HSD3B1: variants seen among roughly 807,000 people sequenced by gnomAD.
HSD3B1 encodes 3 beta-hydroxysteroid dehydrogenase/Delta 5-->4-isomerase type 1.
A neutral mutation model predicts 10.4 loss-of-function variants in HSD3B1; 11 were observed. The ratio of observed to expected loss-of-function variants is 1.05; its 90% CI spans 0.66 to 1.75. HSD3B1 has a LOEUF of 1.75. Ranked by LOEUF, HSD3B1 falls within the 40% of genes most tolerant of loss-of-function variation. The pLI is 0.00. For synonymous variants in HSD3B1, 217 were observed against 185.4 expected, an observed-to-expected ratio of 1.17 and a Z score of -1.39; for missense variants, 490 against 454.5, an observed-to-expected ratio of 1.08 and a Z score of -0.71.
chr1:119,508,522 C>G (rs1027729171), intron 2 of HSD3B1, among the ~76,000 whole-genome samples: 3 of 152,188 alleles, frequency 2.0e-5, no homozygotes, highest in African/African-American at 7.2e-5. Flanking sequence ...CATCAAGGTC[C>G]GGAATCACAA....
chr1:119,507,604 T>C lies in HSD3B1; in HGVS notation c.128T>C (p.Leu43Ser). The change falls in exon 2 of 4, where the codon TTG (leucine) becomes TCG (serine). Residue 43 changes from leucine to serine, a missense_variant. Coordinates refer to ENST00000369413, the MANE Select transcript of HSD3B1 (RefSeq NM_000862.3). ...TTGGACAAGGCCTTCGGACCAGAAT[T>C]GAGAGAGGAATTTTCTAGTAAGTAA... ...RVLDKAFGPELREEFSKLQNK... is the reference protein window; with the variant it reads ...RVLDKAFGPESREEFSKLQNK... The C allele has an allele frequency of 6.2e-7, 1 of 1,613,876 alleles. No individual in the cohort carries two copies. The highest frequency in any genetic ancestry group is 1.1e-5 in the South Asian group (1 of 91,058).
At chr1:119,509,552 G>A (rs923245371) in intron 2 of HSD3B1, among the ~76,000 whole-genome samples, 5 of 152,174 alleles carry the variant, frequency 3.3e-5, no homozygotes, top group Non-Finnish European at 7.4e-5. Flanking sequence ...AGAAGCAGAG[G>A]AAGGCAGCAG....
chr1:119,513,371 T>C (rs146877461), intron 3 of HSD3B1, among the ~76,000 whole-genome samples: 115 of 152,210 alleles, frequency 7.6e-4, no homozygotes, highest in African/African-American at 2.6e-3. Flanking sequence ...CAATGGTGTA[T>C]GTGTGTGTGT....
intron 3 of HSD3B1, among the ~76,000 whole-genome samples, chr1:119,512,135 C>G (rs587752117): frequency 6.6e-6 from 1 of 152,192 alleles, no homozygotes; most frequent in South Asian, 2.1e-4. Flanking sequence ...CAGAGCCCTC[C>G]TGCCCACCTC....
Position 119,514,079 on chromosome 1 carries a change from C to T in HSD3B1, c.556C>T (p.Arg186Ter), listed in dbSNP as rs765577774. 13 of 1,613,944 alleles carry T rather than the reference C, an allele frequency of 8.1e-6. No individual in the cohort carries two copies. The highest frequency in any genetic ancestry group is 5.3e-5 in the African/African-American group (4 of 74,912). The change falls in exon 4 of 4, where the codon CGA becomes TGA. Residue 186 changes from arginine (R) to a stop codon, truncating the protein, a stop_gained. Transcript: ENST00000369413. LOFTEE classifies it low-confidence loss of function (END_TRUNC). ...CGGCACCCTGTACACTTGTGCCTTA[C>T]GACCCATGTATATCTATGGGGAAGG... ...NGGTLYTCAL[R>*]PMYIYGEGSR...
Position 119,507,423 on chromosome 1 carries a change from G to T in HSD3B1, c.-54G>T, listed in dbSNP as rs752159361. 2 of 1,598,562 alleles carry T rather than the reference G, an allele frequency of 1.3e-6. No homozygotes were observed. Among genetic ancestry groups the T allele is most frequent in the African/African-American group, 1.3e-5 (1 of 74,554 alleles). ...CCAGGGTCACCCTAGAATCAGATCT[G>T]CTCCCCAGCATCTTCTGTTTCCTGG... is the stretch of plus-strand genomic sequence containing the variant. On this transcript the variant is annotated 5_prime_UTR_variant, in exon 2 of 4. Transcript: ENST00000369413.
chr1:119,508,624 C>T (rs1260815963), intron 2 of HSD3B1, among the ~76,000 whole-genome samples: 1 of 152,206 alleles, frequency 6.6e-6, no homozygotes, highest in Non-Finnish European at 1.5e-5. Flanking sequence ...AGAGCTGATG[C>T]TTGGCAAAGT....
At chr1:119,511,480 T>C (rs1242669267) in intron 2 of HSD3B1, 23 bp from the exon 3 acceptor site, 1 of 1,613,042 alleles carries the variant, frequency 6.2e-7, no homozygotes, top group Non-Finnish European at 8.5e-7. Context: ...ATCATTCCAA[T>C]GACCTGACCT....
At chr1:119,510,717 CT>C (rs962978657) in intron 2 of HSD3B1, among the ~76,000 whole-genome samples, 4 of 54,170 alleles carry the variant, frequency 7.4e-5, no homozygotes, top group African/African-American at 2.8e-4. Context: ...GTGTGGTTTT[CT>C]TTTTTTTTTT....
chr1:119,507,871 G>A, intron 2 of HSD3B1: 2 of 410,894 alleles, frequency 4.9e-6, no homozygotes, highest in Admixed American at 3.7e-5. Flanking sequence ...TCAGCCTCCA[G>A]GCCTCTTTTC....
chr1:119,514,358 C>T lies in HSD3B1; in HGVS notation c.835C>T (p.Arg279Cys), dbSNP rs765077190. 3.2e-5 allele frequency: 51 copies of T among 1,614,010 alleles called. No individual in the cohort carries two copies. Among genetic ancestry groups the T allele is most frequent in the African/African-American group, 6.7e-5 (5 of 74,920 alleles). ...NYTLSKEFGL[R>C]LDSRWSFPLS... ...CACCCTGAGCAAAGAGTTCGGCCTC[C>T]GCCTTGATTCCAGATGGAGCTTTCC... The change falls in exon 4 of 4, where the codon CGC (arginine) becomes TGC (cysteine). Residue 279 changes from arginine to cysteine, a missense_variant. Physicochemically the swap from Arg to Cys is radical, Grantham distance 180 (BLOSUM62 -3). Transcript: ENST00000369413.
rs587600961 is a variant in HSD3B1, at chr1:119,509,669, G to T, written c.146-1834G>T. Among the ~76,000 whole-genome samples, 3 of 152,238 alleles carry T rather than the reference G, an allele frequency of 2.0e-5. No homozygotes were observed. The East Asian group carries it at 5.8e-4, about 29-fold the overall frequency. Reference sequence around the variant, plus strand: ...GACTCCCCCACTCCAGGACCTTCTTGGAGTTGCCTGACAACGGGAAGAGGT... The same window carrying T: ...GACTCCCCCACTCCAGGACCTTCTTTGAGTTGCCTGACAACGGGAAGAGGT... On this transcript the variant is annotated intron_variant, in intron 2 of 3. Coordinates refer to ENST00000369413, the MANE Select transcript of HSD3B1 (RefSeq NM_000862.3).
At chr1:119,511,091 A>G (rs994893124) in intron 2 of HSD3B1, among the ~76,000 whole-genome samples, 12 of 152,226 alleles carry the variant, frequency 7.9e-5, no homozygotes, top group Non-Finnish European at 1.3e-4. Context: ...TTTCTTTAAC[A>G]TGATGCTGGA....
At chr1:119,509,274 T>G (rs1653873701) in intron 2 of HSD3B1, among the ~76,000 whole-genome samples, 1 of 152,222 alleles carries the variant, frequency 6.6e-6, no homozygotes, top group African/African-American at 2.4e-5. Flanking sequence ...TCTGTGCTCT[T>G]AAGCAGTAGT....
chr1:119,514,426 G>C lies in HSD3B1; in HGVS notation c.903G>C (p.Val301=). 6.2e-7 allele frequency: 1 copy of C among 1,614,058 alleles called. No individual in the cohort carries two copies. Among genetic ancestry groups the C allele is most frequent in the South Asian group, 1.1e-5 (1 of 91,076 alleles). The change falls in exon 4 of 4, where the codon GTG becomes GTC. Residue 301 remains valine, a synonymous_variant. Coordinates refer to ENST00000369413, the MANE Select transcript of HSD3B1 (RefSeq NM_000862.3). ...GGATTGGCTTCCTGCTGGAAATAGTGAGCTTCCTACTCAGGCCAATTTACA... is the reference window on the plus strand; with the variant it reads ...GGATTGGCTTCCTGCTGGAAATAGTCAGCTTCCTACTCAGGCCAATTTACA... ...MYWIGFLLEI[V]SFLLRPIYTY...
At chr1:119,512,436 C>G (rs1653964440) in intron 3 of HSD3B1, among the ~76,000 whole-genome samples, 1 of 152,152 alleles carries the variant, frequency 6.6e-6, no homozygotes, top group Admixed American at 6.5e-5. Flanking sequence ...AAGGAATCTT[C>G]TCAGAAATCT....
chr1:119,514,108 C>T lies in HSD3B1; in HGVS notation c.585C>T (p.Ser195=). 1 of 1,614,090 alleles carries T rather than the reference C, an allele frequency of 6.2e-7. No individual in the cohort carries two copies. The highest frequency in any genetic ancestry group is 2.2e-5 in the East Asian group (1 of 44,874). ...LRPMYIYGEG[S]RFLSASINEA... is the part of the protein sequence containing the mutation. ...CCATGTATATCTATGGGGAAGGAAG[C>T]CGATTCCTTTCTGCTAGTATAAACG... Residue 195 remains serine (S), a synonymous_variant, in exon 4 of 4, where the codon AGC becomes AGT. Transcript: ENST00000369413.
At chr1:119,510,260 G>A (rs995912680) in intron 2 of HSD3B1, among the ~76,000 whole-genome samples, 6 of 152,186 alleles carry the variant, frequency 3.9e-5, no homozygotes, top group Admixed American at 1.3e-4. Flanking sequence ...CAGCTAGACA[G>A]CTGCGATGTT....
Position 119,514,623 on chromosome 1 carries a change from C to A in HSD3B1, c.1100C>A (p.Thr367Asn), listed in dbSNP as rs1047303. 1,146,765 of 1,613,074 alleles carry A rather than the reference C, an allele frequency of 0.71. 412,097 individuals carry two copies. The highest frequency in any genetic ancestry group is 0.94 in the East Asian group (41,954 of 44,778). ...TCCCTTGTGGACCGGCACAAGGAGA[C>A]CCTGAAGTCCAAGACTCAGTGATTT... Reference protein sequence around the residue: ...VGSLVDRHKETLKSKTQ With the variant: ...VGSLVDRHKENLKSKTQ Residue 367 changes from threonine (T) to asparagine (N), a missense_variant, in exon 4 of 4, where the codon ACC becomes AAC. Coordinates refer to ENST00000369413, the MANE Select transcript of HSD3B1 (RefSeq NM_000862.3).
Sources: allele counts gnomAD v4.1 joint callset (sites outside exome capture counted in the v4.1 genomes callset), GRCh38; gene constraint gnomAD v4.1.1; transcripts MANE v1.5; gene names NCBI Gene and HGNC (gene_info 2026-07-23, HGNC 2026-07-21).